PDE3A: variants seen among roughly 807,000 people sequenced by gnomAD.
PDE3A encodes phosphodiesterase 3A.
Under a neutral mutation model 98.3 loss-of-function variants are expected in PDE3A, and 43 were observed. The ratio of observed to expected loss-of-function variants is 0.44; its 90% CI spans 0.34 to 0.56. The LOEUF (loss-of-function observed/expected upper bound fraction) is 0.56. PDE3A is among the 20% of genes least tolerant of loss of function. The probability of loss-of-function intolerance (pLI) is 0.01; values close to 1 mark genes in which losing one functional copy is unlikely to be tolerated. For missense variants in PDE3A, 1,427 were observed against 1,440.7 expected (o/e 0.99, Z 0.15); for synonymous variants, 663 against 567.9 (o/e 1.17, Z -2.38).
intron 1 of PDE3A, among the ~76,000 whole-genome samples, chr12:20,407,976 G>A (rs1304013745): frequency 6.6e-6 from 1 of 152,044 alleles, no homozygotes; most frequent in Non-Finnish European, 1.5e-5. Context: ...CTGTAGTGCA[G>A]TGACTTGATC....
intron 1 of PDE3A, among the ~76,000 whole-genome samples, chr12:20,422,244 G>C (rs972165615): frequency 6.6e-6 from 1 of 152,036 alleles, no homozygotes; most frequent in Non-Finnish European, 1.5e-5. Flanking sequence ...TACTCGGGAG[G>C]CTGAGGGGAG....
Position 20,395,846 on chromosome 12 carries a change from T to C in PDE3A, c.960+25602T>C, listed in dbSNP as rs531628772. Among the ~76,000 whole-genome samples the C allele has an allele frequency of 1.4e-4, 22 of 151,852 alleles. 1 individual carries two copies. The South Asian group carries it at 4.4e-3, about 30-fold the overall frequency. On this transcript the variant is annotated intron_variant, in intron 1 of 15. Transcript: ENST00000359062. ...TATTAACAGAGGTTATCAATGAGGT[T>C]CGTTAAAAAGAAAAAATATTTTCCC...
intron 5 of PDE3A, among the ~76,000 whole-genome samples, chr12:20,628,678 G>T (rs1944317416): frequency 6.6e-6 from 1 of 152,020 alleles, no homozygotes; most frequent in South Asian, 2.1e-4. Context: ...AACTAGAAGG[G>T]GTTGCTGCTC....
chr12:20,667,810 A>G (rs550762539), intron 15 of PDE3A, among the ~76,000 whole-genome samples: 1 of 152,196 alleles, frequency 6.6e-6, no homozygotes, highest in African/African-American at 2.4e-5. Flanking sequence ...TGAATAATGT[A>G]TTGGTATTTT....
intron 15 of PDE3A, among the ~76,000 whole-genome samples, chr12:20,660,648 G>A (rs968994049): frequency 1.3e-5 from 2 of 152,130 alleles, no homozygotes; most frequent in Non-Finnish European, 2.9e-5. Context: ...AAGATCTAAT[G>A]GTTTTAAAAA....
chr12:20,654,460 G>T (rs766380341), intron 15 of PDE3A, among the ~76,000 whole-genome samples: 7 of 151,258 alleles, frequency 4.6e-5, no homozygotes, highest in Non-Finnish European at 7.4e-5. Flanking sequence ...ATAATAATAA[G>T]GAGTTGAAGC....
chr12:20,678,442 A>C (rs1945692546), intron 15 of PDE3A, among the ~76,000 whole-genome samples: 1 of 152,106 alleles, frequency 6.6e-6, no homozygotes, highest in African/African-American at 2.4e-5. Flanking sequence ...GACACCCTCC[A>C]AGACAAGTTT....
At chr12:20,383,756 A>G (rs1426154082) in intron 1 of PDE3A, among the ~76,000 whole-genome samples, 1 of 151,984 alleles carries the variant, frequency 6.6e-6, no homozygotes, top group Non-Finnish European at 1.5e-5. Context: ...AGAAGATGGA[A>G]AAAGGTGAGG....
chr12:20,656,053 AC>A (rs1945037257), intron 15 of PDE3A, among the ~76,000 whole-genome samples: 1 of 152,178 alleles, frequency 6.6e-6, no homozygotes, highest in Non-Finnish European at 1.5e-5. Flanking sequence ...ACAAATAGTG[AC>A]TAATAGCATA....
At chr12:20,591,624 G>A (rs1179138259) in intron 2 of PDE3A, among the ~76,000 whole-genome samples, 1 of 152,200 alleles carries the variant, frequency 6.6e-6, no homozygotes, top group Non-Finnish European at 1.5e-5. Context: ...ACACTGTTCT[G>A]TTCTCTCATT....
At chr12:20,567,316 G>A (rs1427993395) in intron 2 of PDE3A, among the ~76,000 whole-genome samples, 3 of 152,026 alleles carry the variant, frequency 2.0e-5, no homozygotes, top group Non-Finnish European at 4.4e-5. Flanking sequence ...TGAGGAATTA[G>A]TGAAATTATA....
chr12:20,583,106 T>G (rs1212505873), intron 2 of PDE3A, among the ~76,000 whole-genome samples: 1 of 152,174 alleles, frequency 6.6e-6, no homozygotes, highest in Admixed American at 6.5e-5. Context: ...TTAGCTGGTT[T>G]GTTTTCCCTC....
intron 1 of PDE3A, among the ~76,000 whole-genome samples, chr12:20,487,700 C>T (rs530822809): frequency 1.3e-5 from 2 of 151,326 alleles, no homozygotes; most frequent in East Asian, 3.9e-4. Context: ...TTCTACAAGG[C>T]AATATTCAAT....
At chr12:20,461,188 G>T (rs1488040324) in intron 1 of PDE3A, among the ~76,000 whole-genome samples, 3 of 132,156 alleles carry the variant, frequency 2.3e-5, no homozygotes, top group African/African-American at 8.9e-5. Flanking sequence ...AACCCTCACT[G>T]ATTATCTTTG....
At chr12:20,593,673 A>G (rs1943396226) in intron 2 of PDE3A, among the ~76,000 whole-genome samples, 1 of 152,170 alleles carries the variant, frequency 6.6e-6, no homozygotes, top group Non-Finnish European at 1.5e-5. Context: ...AGTTTTGGTT[A>G]GTGATTTTGG....
chr12:20,400,420 T>TGAGATGGAG (rs1944107066), intron 1 of PDE3A, among the ~76,000 whole-genome samples: 1 of 73,990 alleles, frequency 1.4e-5, no homozygotes, highest in Non-Finnish European at 2.7e-5. Flanking sequence ...TTTTTTTTTT[T>TGAGATGGAG]TTTTGAGATG....
At chr12:20,407,520 C>A (rs1257701959) in intron 1 of PDE3A, among the ~76,000 whole-genome samples, 1 of 152,078 alleles carries the variant, frequency 6.6e-6, no homozygotes, top group Non-Finnish European at 1.5e-5. Context: ...GCAAAACAAG[C>A]TTTATTCCCA....
chr12:20,629,801 G>C (rs2121507162), intron 5 of PDE3A, 107 bp from the exon 6 acceptor site: 1 of 821,660 alleles, frequency 1.2e-6, no homozygotes, highest in East Asian at 2.5e-5. Context: ...GACCTGAGCA[G>C]GCACGTGGTT....
chr12:20,584,306 G>C (rs1331479995), intron 2 of PDE3A, among the ~76,000 whole-genome samples: 1 of 152,126 alleles, frequency 6.6e-6, no homozygotes, highest in East Asian at 1.9e-4. Context: ...TACAGATTGT[G>C]ATCAATAGCC....
Sources: allele counts gnomAD v4.1 joint callset (sites outside exome capture counted in the v4.1 genomes callset), GRCh38; gene constraint gnomAD v4.1.1; transcripts MANE v1.5; gene names NCBI Gene and HGNC (gene_info 2026-07-23, HGNC 2026-07-21).